The following OLFM3 variants were observed in gnomAD, a reference collection of about 807,000 sequenced individuals.
The protein encoded by OLFM3 is noelin-3.
In OLFM3, 20 loss-of-function variants were observed where a neutral mutation model predicts 48.6. The ratio of observed to expected loss-of-function variants is 0.41; its 90% confidence interval spans 0.29 to 0.60. The LOEUF (loss-of-function observed/expected upper bound fraction) is 0.60, where lower values mean the gene tolerates loss of function less well. OLFM3 is among the 20% of genes least tolerant of loss of function. OLFM3 has a pLI of 0.28. For synonymous variants in OLFM3, 222 were observed against 198.1 expected (o/e 1.12, Z -1.01); for missense variants, 437 against 544.3 (o/e 0.80, Z 1.96).
intron 1 of OLFM3, among the ~76,000 whole-genome samples, chr1:101,948,903 C>G (rs868230386): frequency 6.8e-6 from 1 of 147,494 alleles, no homozygotes; most frequent in South Asian, 2.1e-4. Context: ...ATATTTTATG[C>G]TTATATATAA....
At chr1:101,852,875 T>C (rs75566783) in intron 1 of OLFM3, among the ~76,000 whole-genome samples, 12,854 of 152,122 alleles carry the variant, frequency 0.084, 778 homozygotes, top group Non-Finnish European at 0.13. Context: ...AGCTAGTGTC[T>C]ACTCTCAAAA....
At chr1:101,883,657 T>C (rs779437523) in intron 1 of OLFM3, among the ~76,000 whole-genome samples, 1 of 151,984 alleles carries the variant, frequency 6.6e-6, no homozygotes, top group African/African-American at 2.4e-5. Flanking sequence ...AATTTTAGTA[T>C]AATTACCTGT....
At chr1:101,992,305 A>G (rs1377738674) in intron 1 of OLFM3, among the ~76,000 whole-genome samples, 4 of 152,198 alleles carry the variant, frequency 2.6e-5, no homozygotes, top group Non-Finnish European at 5.9e-5. Flanking sequence ...TTGCCAAGAG[A>G]AAGAGTGAGA....
intron 4 of OLFM3, among the ~76,000 whole-genome samples, chr1:101,809,943 T>G (rs938560285): frequency 6.6e-6 from 1 of 151,954 alleles, no homozygotes; most frequent in African/African-American, 2.4e-5. Context: ...GCCCATAAAC[T>G]AATTACATAA....
chr1:101,866,182 A>C (rs1656848738), intron 1 of OLFM3, among the ~76,000 whole-genome samples: 1 of 152,202 alleles, frequency 6.6e-6, no homozygotes, highest in South Asian at 2.1e-4. Context: ...CACTATGTTT[A>C]GTAATATAAA....
chr1:101,833,311 A>G (rs1267823974), intron 2 of OLFM3, among the ~76,000 whole-genome samples: 1 of 152,246 alleles, frequency 6.6e-6, no homozygotes, highest in African/African-American at 2.4e-5. Flanking sequence ...GGTAATGGCT[A>G]GAGCTAGAGC....
chr1:101,844,614 A>G (rs183003744), intron 1 of OLFM3, among the ~76,000 whole-genome samples: 1 of 152,274 alleles, frequency 6.6e-6, no homozygotes, highest in East Asian at 1.9e-4. Flanking sequence ...ATTTCCAGCT[A>G]AAGTCTTGAG....
At chr1:101,940,533 A>C (rs1278139042) in intron 1 of OLFM3, among the ~76,000 whole-genome samples, 1 of 151,482 alleles carries the variant, frequency 6.6e-6, no homozygotes, top group Non-Finnish European at 1.5e-5. Flanking sequence ...TCATCTGTCT[A>C]TCTATCTATG....
chr1:101,827,833 T>C (rs373041793), intron 3 of OLFM3, among the ~76,000 whole-genome samples: 5 of 152,166 alleles, frequency 3.3e-5, no homozygotes, highest in East Asian at 3.9e-4. Flanking sequence ...CTCTTTGATA[T>C]GGTTTGGCTC....
At chr1:101,852,011 C>T (rs182377568) in intron 1 of OLFM3, among the ~76,000 whole-genome samples, 57 of 152,154 alleles carry the variant, frequency 3.7e-4, no homozygotes, top group Admixed American at 2.6e-3. Flanking sequence ...GAGTAGACAG[C>T]CCTAGGTTAT....
chr1:101,875,356 A>T (rs1298086628), intron 1 of OLFM3, among the ~76,000 whole-genome samples: 1 of 151,956 alleles, frequency 6.6e-6, no homozygotes, highest in African/African-American at 2.4e-5. Flanking sequence ...AGTTAGTGTT[A>T]ATTTTTAGTT....
intron 1 of OLFM3, among the ~76,000 whole-genome samples, chr1:101,878,632 G>A (rs1022677098): frequency 3.3e-5 from 5 of 151,818 alleles, no homozygotes; most frequent in Non-Finnish European, 5.9e-5. Flanking sequence ...CATGCGGGAA[G>A]CCATTACCTG....
intron 1 of OLFM3, among the ~76,000 whole-genome samples, chr1:101,886,878 G>T (rs565584813): frequency 1.3e-5 from 2 of 152,006 alleles, no homozygotes; most frequent in East Asian, 3.9e-4. Flanking sequence ...TTTATTAAAA[G>T]TCATCTCCTA....
intron 1 of OLFM3, among the ~76,000 whole-genome samples, chr1:101,949,685 C>T (rs1236346793): frequency 2.6e-5 from 4 of 152,132 alleles, no homozygotes; most frequent in Non-Finnish European, 5.9e-5. Context: ...AATCCTAGCA[C>T]TTTGGGAGGC....
At chr1:101,894,328 A>G (rs1658114162) in intron 1 of OLFM3, among the ~76,000 whole-genome samples, 1 of 152,180 alleles carries the variant, frequency 6.6e-6, no homozygotes, top group Admixed American at 6.5e-5. Flanking sequence ...CAGAAATACA[A>G]AGTGCTCTAT....
Position 101,804,879 on chromosome 1 carries a change from C to T in OLFM3, c.736G>A (p.Val246Ile), listed in dbSNP as rs373730405. 1.1e-5 allele frequency: 17 copies of T among 1,611,642 alleles called. No homozygotes were observed. Among genetic ancestry groups the T allele is most frequent in the African/African-American group, 2.7e-5 (2 of 74,696 alleles). ...TCTGCAATTGATTTGTATTCACGAACAATTTTATTGTTAGTATAACTGTCC... is the reference window on the plus strand; with the variant it reads ...TCTGCAATTGATTTGTATTCACGAATAATTTTATTGTTAGTATAACTGTCC... The part of the protein sequence containing the change: ...YMDSYTNNKI[V>I]REYKSIADFV... Residue 246 changes from valine to isoleucine, a missense_variant, in exon 6 of 6, where the codon GTT becomes ATT. Physicochemically the swap from Val to Ile is conservative, Grantham distance 29. This residue lies in a region of OLFM3 where 314 missense variants were observed against 365.5 expected (regional missense o/e 0.86). Coordinates refer to ENST00000370103, the MANE Select transcript of OLFM3 (RefSeq NM_058170.4). The surrounding 1 kb of genome is among the most constrained non-coding windows in gnomAD (Gnocchi z 4.5).
chr1:101,844,393 G>C (rs946603034), intron 1 of OLFM3, among the ~76,000 whole-genome samples: 5 of 152,162 alleles, frequency 3.3e-5, no homozygotes, highest in African/African-American at 1.2e-4. Flanking sequence ...GAGCAGGGTA[G>C]TGAGAACCTA....
chr1:101,828,315 C>T (rs561418113), intron 3 of OLFM3, among the ~76,000 whole-genome samples: 30 of 152,168 alleles, frequency 2.0e-4, no homozygotes, highest in African/African-American at 6.7e-4. Flanking sequence ...AAGACTGTTG[C>T]GAGCATTATA....
At chr1:101,832,352 G>A (rs1029816486) in intron 2 of OLFM3, among the ~76,000 whole-genome samples, 1 of 152,212 alleles carries the variant, frequency 6.6e-6, no homozygotes, top group African/African-American at 2.4e-5. Context: ...CAGCTGTAAA[G>A]TTCCCATAGT....
Sources: gnomAD v4.1 joint callset for allele counts (sites outside exome capture counted in the v4.1 genomes callset) on GRCh38, gnomAD v4.1.1 for gene constraint, gnomAD v4.1.1 regional missense constraint, Gnocchi (gnomAD v3.1) non-coding constraint, MANE v1.5 for transcripts, NCBI Gene and HGNC (gene_info 2026-07-23, HGNC 2026-07-21) for gene names.